The following DPP10 variants were observed in gnomAD, a reference collection of about 807,000 sequenced individuals.
The protein encoded by DPP10 is dipeptidyl peptidase like 10, also known as inactive dipeptidyl peptidase 10.
In DPP10, 33 loss-of-function variants were observed where a neutral mutation model predicts 120.9. The ratio of observed to expected loss-of-function variants is 0.27; its 90% CI spans 0.21 to 0.37. The LOEUF is 0.37. Ranked by LOEUF, DPP10 falls within the 10% of genes least tolerant of loss-of-function variation. DPP10 has a pLI of 1.00. For missense variants in DPP10, 816 were observed against 942.8 expected, an observed-to-expected ratio of 0.87 and a Z score of 1.76; for synonymous variants, 337 against 326.1, an observed-to-expected ratio of 1.03 and a Z score of -0.36.
chr2:115,585,353 CAT>C (rs767664105), intron 5 of DPP10, among the ~76,000 whole-genome samples: 2 of 152,010 alleles, frequency 1.3e-5, no homozygotes, highest in Admixed American at 1.3e-4. Context: ...ATGTTGAAGA[CAT>C]ATAATAGAAT....
At chr2:114,592,150 C>G (rs1025344870) in intron 1 of DPP10, among the ~76,000 whole-genome samples, 1 of 152,126 alleles carries the variant, frequency 6.6e-6, no homozygotes, top group Non-Finnish European at 1.5e-5. Flanking sequence ...TGTGACAGCT[C>G]TTTGCTTTCT....
intron 1 of DPP10, among the ~76,000 whole-genome samples, chr2:115,012,976 G>C (rs1463861403): frequency 6.6e-6 from 1 of 152,102 alleles, no homozygotes; most frequent in Non-Finnish European, 1.5e-5. Context: ...CTTTTAATTG[G>C]GTCATTTAGC....
intron 1 of DPP10, among the ~76,000 whole-genome samples, chr2:114,546,869 A>T (rs745729404): frequency 6.6e-6 from 1 of 152,238 alleles, no homozygotes; most frequent in South Asian, 2.1e-4. Context: ...TAGAGAATGT[A>T]TGTGGGCCAT....
At chr2:115,254,337 A>T (rs1047708614) in intron 1 of DPP10, among the ~76,000 whole-genome samples, 1 of 152,134 alleles carries the variant, frequency 6.6e-6, no homozygotes. Flanking sequence ...TGAAAACAGG[A>T]TGAGGGGAGT....
At chr2:114,914,360 T>G (rs971563108) in intron 1 of DPP10, among the ~76,000 whole-genome samples, 3 of 152,214 alleles carry the variant, frequency 2.0e-5, no homozygotes, top group Non-Finnish European at 2.9e-5. Flanking sequence ...ACAGCAGATA[T>G]TTTAGCAGAA....
intron 1 of DPP10, among the ~76,000 whole-genome samples, chr2:114,551,666 G>A (rs1687896880): frequency 6.6e-6 from 1 of 152,116 alleles, no homozygotes; most frequent in African/African-American, 2.4e-5. Flanking sequence ...TACATCAGAG[G>A]CCTCTCTTGT....
intron 1 of DPP10, among the ~76,000 whole-genome samples, chr2:115,078,638 A>G (rs996705676): frequency 6.6e-6 from 1 of 152,226 alleles, no homozygotes; most frequent in East Asian, 1.9e-4. Flanking sequence ...ATTACGTTTC[A>G]AAATTAAAGT....
At chr2:114,897,131 G>T (rs1484352069) in intron 1 of DPP10, among the ~76,000 whole-genome samples, 2 of 152,052 alleles carry the variant, frequency 1.3e-5, no homozygotes, top group Non-Finnish European at 2.9e-5. Context: ...TGCTGAATTC[G>T]GTTTGCCAGT....
intron 1 of DPP10, among the ~76,000 whole-genome samples, chr2:114,612,741 T>C (rs1352556166): frequency 6.6e-6 from 1 of 152,190 alleles, no homozygotes; most frequent in Non-Finnish European, 1.5e-5. Flanking sequence ...TGGCTCAGTC[T>C]TTTACCAGCC....
At chr2:114,707,223 G>A (rs1396032456) in intron 1 of DPP10, 1 of 151,666 alleles carries the variant, frequency 6.6e-6, no homozygotes, top group Non-Finnish European at 1.5e-5. Context: ...TATTGTTTCT[G>A]ACTAAAGACA....
At chr2:115,083,714 A>C (rs1708465895) in intron 1 of DPP10, among the ~76,000 whole-genome samples, 1 of 152,242 alleles carries the variant, frequency 6.6e-6, no homozygotes, top group African/African-American at 2.4e-5. Flanking sequence ...TTTGGCAAAT[A>C]ATAAACATAT....
At position 115,166,812 on chromosome 2, in the gene DPP10, G is replaced by A. The variant is rs553489294; in HGVS notation, c.61-142427G>A. 3.4e-4 allele frequency among the ~76,000 whole-genome samples: 52 copies of A among 152,060 alleles called. No individual in the cohort carries two copies. In the South Asian group the frequency reaches 0.011, roughly 31 times the overall value. ...AAACAAAACAACCAAATTTCTCCCAGTCTCAGTAAAAATAAAGCAAATTCA... is the reference window on the plus strand; with the variant it reads ...AAACAAAACAACCAAATTTCTCCCAATCTCAGTAAAAATAAAGCAAATTCA... On this transcript the variant is annotated intron_variant, in intron 1 of 25. Coordinates refer to ENST00000410059, the MANE Select transcript of DPP10 (RefSeq NM_020868.6).
intron 1 of DPP10, among the ~76,000 whole-genome samples, chr2:115,196,643 C>CT (rs994900163): frequency 3.9e-5 from 6 of 152,200 alleles, no homozygotes; most frequent in East Asian, 1.9e-4. Context: ...AAAAGAGACT[C>CT]TTTTTTTAAA....
chr2:114,996,956 T>C (rs1161674730), intron 1 of DPP10, among the ~76,000 whole-genome samples: 1 of 127,652 alleles, frequency 7.8e-6, no homozygotes, highest in Non-Finnish European at 1.6e-5. Flanking sequence ...CGTTCTAGCC[T>C]GGCGACAGAG....
intron 5 of DPP10, among the ~76,000 whole-genome samples, chr2:115,568,580 A>AT (rs2081159152): frequency 6.8e-6 from 1 of 147,244 alleles, no homozygotes; most frequent in Non-Finnish European, 1.5e-5. Context: ...TTTAAAGTTC[A>AT]TTTTTTGTCT....
intron 5 of DPP10, among the ~76,000 whole-genome samples, chr2:115,625,186 T>G (rs2085263691): frequency 1.3e-5 from 2 of 152,158 alleles, no homozygotes; most frequent in Non-Finnish European, 2.9e-5. Flanking sequence ...GGTGATGTGG[T>G]AAACCTAATT....
chr2:115,085,074 C>A (rs1013041632), intron 1 of DPP10, among the ~76,000 whole-genome samples: 1 of 152,090 alleles, frequency 6.6e-6, no homozygotes, highest in Non-Finnish European at 1.5e-5. Context: ...GCCAAGTGCC[C>A]CCTGGCTTAT....
chr2:114,995,481 C>G lies in DPP10; in HGVS notation c.61-313758C>G, dbSNP rs553565300. 9.8e-4 allele frequency among the ~76,000 whole-genome samples: 149 copies of G among 152,086 alleles called. 1 individual carries two copies. The Middle Eastern group carries it at 0.02, about 21-fold the overall frequency. ...TAACAGGCTTCTAAACAGTTTAGAA[C>G]CCCTGCTTAAAGGAATTCTACAAAA... On this transcript the variant is annotated intron_variant, in intron 1 of 25. Transcript: ENST00000410059.
chr2:115,434,755 A>C (rs1331476710), intron 3 of DPP10, among the ~76,000 whole-genome samples: 1 of 151,602 alleles, frequency 6.6e-6, no homozygotes, highest in Non-Finnish European at 1.5e-5. Context: ...TCCACCTACT[A>C]TACTGTCAAT....
Sources: gnomAD v4.1 joint callset for allele counts (sites outside exome capture counted in the v4.1 genomes callset) on GRCh38, gnomAD v4.1.1 for gene constraint, MANE v1.5 for transcripts, NCBI Gene and HGNC (gene_info 2026-07-23, HGNC 2026-07-21) for gene names.